HIBCH: variants seen among roughly 807,000 people sequenced by gnomAD.
HIBCH encodes the protein 3-hydroxyisobutyryl-CoA hydrolase.
Under a neutral mutation model 58.2 loss-of-function variants are expected in HIBCH, and 50 were observed. The observed-to-expected ratio is 0.86, with a 90% confidence interval of 0.68 to 1.09. The LOEUF (loss-of-function observed/expected upper bound fraction) is 1.09, where lower values mean the gene tolerates loss of function less well. HIBCH is among the 50% of genes least tolerant of loss of function. The pLI is 0.00. For missense variants in HIBCH, 450 were observed against 449.7 expected (o/e 1.00, Z -0.01); for synonymous variants, 151 against 146.9 (o/e 1.03, Z -0.20).
At chr2:190,302,275 T>C (rs1688282746) in intron 2 of HIBCH, among the ~76,000 whole-genome samples, 1 of 152,146 alleles carries the variant, frequency 6.6e-6, no homozygotes, top group Non-Finnish European at 1.5e-5. Flanking sequence ...CATAAACATA[T>C]TCAACAGCTT....
At position 190,217,190 on chromosome 2, in the gene HIBCH, T is replaced by C. The variant is rs1364638648; in HGVS notation, c.892-4115A>G. ...CTCCCCAAGTTCCTCCAGGGGTCAG[T>C]GGACCCTGGGGAAGTGCCTCACCTA... On this transcript the variant is annotated intron_variant, in intron 11 of 13. Coordinates refer to ENST00000359678, the MANE Select transcript of HIBCH (RefSeq NM_014362.4). This position sits in a 1 kb window ranked among gnomAD's most constrained non-coding sequence, Gnocchi z 4.6. Among the ~76,000 whole-genome samples, 2 of 152,148 alleles carry C rather than the reference T, an allele frequency of 1.3e-5. No individual in the cohort carries two copies. The highest frequency in any genetic ancestry group is 2.9e-5 in the Non-Finnish European group (2 of 68,004).
At chr2:190,223,067 A>T (rs533423828) in intron 11 of HIBCH, among the ~76,000 whole-genome samples, 2 of 152,338 alleles carry the variant, frequency 1.3e-5, no homozygotes, top group African/African-American at 2.4e-5. Context: ...TGGGAGTTGA[A>T]CAATAAGAAC....
At chr2:190,260,444 A>G (rs1042855441) in intron 7 of HIBCH, 1 of 152,234 alleles carries the variant, frequency 6.6e-6, no homozygotes, top group African/African-American at 2.4e-5. Flanking sequence ...AAAAGACTCG[A>G]TAGTGTTAAG....
At chr2:190,262,976 G>C (rs1177934797) in intron 6 of HIBCH, among the ~76,000 whole-genome samples, 2 of 152,154 alleles carry the variant, frequency 1.3e-5, no homozygotes, top group Non-Finnish European at 2.9e-5. Flanking sequence ...GAAGATACTA[G>C]GAATACGCTG....
chr2:190,293,576 A>G (rs1199013058), intron 4 of HIBCH, among the ~76,000 whole-genome samples: 3 of 152,234 alleles, frequency 2.0e-5, no homozygotes, highest in Admixed American at 2.0e-4. Flanking sequence ...ATTAAACTGC[A>G]ATTTTAAAAT....
At chr2:190,203,058 A>C (rs935555757), downstream of HIBCH, 1 of 167,076 alleles carries the variant, frequency 6.0e-6, no homozygotes, top group African/African-American at 2.4e-5. Context: ...CTGCCTTATT[A>C]GTATTAAAAA....
At position 190,209,802 on chromosome 2, in the gene HIBCH, C is replaced by T. The variant is rs1489777418; in HGVS notation, c.1012-889G>A. On this transcript the variant is annotated intron_variant, in intron 12 of 13. Coordinates refer to ENST00000359678, the MANE Select transcript of HIBCH (RefSeq NM_014362.4). This position sits in a 1 kb window ranked among gnomAD's most constrained non-coding sequence, Gnocchi z 5.6. The stretch of plus-strand genomic sequence containing the variant: ...AGAATCATCGATGTAGGCAATATAG[C>T]TGAGTTCAAATGTCTAGGTTCACAT... 6.6e-6 allele frequency among the ~76,000 whole-genome samples: 1 copy of T among 152,198 alleles called. No homozygotes were observed. The highest frequency in any genetic ancestry group is 1.5e-5 in the Non-Finnish European group (1 of 68,042).
chr2:190,282,716 A>G (rs1687734171), intron 6 of HIBCH, among the ~76,000 whole-genome samples: 2 of 152,280 alleles, frequency 1.3e-5, no homozygotes, highest in African/African-American at 4.8e-5. Context: ...CTACTAAAAA[A>G]AAAGAGACTG....
At chr2:190,224,610 T>C (rs1685834955) in intron 11 of HIBCH, among the ~76,000 whole-genome samples, 1 of 152,132 alleles carries the variant, frequency 6.6e-6, no homozygotes, top group African/African-American at 2.4e-5. Context: ...ATGCACCCAA[T>C]ACAGGAGCAC....
chr2:190,212,853 G>C, intron 12 of HIBCH, 103 bp downstream of exon 12: 1 of 996,362 alleles, frequency 1.0e-6, no homozygotes, highest in Non-Finnish European at 1.5e-6. Context: ...ATTTACAGGT[G>C]GTTTTAATTT....
intron 11 of HIBCH, chr2:190,213,493 A>C (rs1473902485): frequency 5.0e-6 from 1 of 198,878 alleles, no homozygotes; most frequent in Non-Finnish European, 1.0e-5. Flanking sequence ...ACTACAGAAG[A>C]AACAGGATAC....
intron 8 of HIBCH, among the ~76,000 whole-genome samples, chr2:190,250,846 T>C (rs959774440): frequency 3.9e-5 from 6 of 152,298 alleles, no homozygotes; most frequent in Admixed American, 1.3e-4. Flanking sequence ...CCACAGCCAA[T>C]TTATAAAGTT....
At chr2:190,247,256 G>C (rs1243439784) in intron 9 of HIBCH, among the ~76,000 whole-genome samples, 1 of 152,064 alleles carries the variant, frequency 6.6e-6, no homozygotes, top group East Asian at 1.9e-4. Flanking sequence ...AATCACTTGA[G>C]AAAAATGCTG....
At chr2:190,271,833 T>A (rs1028071229) in intron 6 of HIBCH, among the ~76,000 whole-genome samples, 4 of 152,178 alleles carry the variant, frequency 2.6e-5, no homozygotes, top group African/African-American at 9.7e-5. Flanking sequence ...CTTGCTTACC[T>A]CTATGGCCTC....
chr2:190,284,741 T>A (rs1687788939), intron 6 of HIBCH, among the ~76,000 whole-genome samples: 1 of 152,188 alleles, frequency 6.6e-6, no homozygotes, highest in Non-Finnish European at 1.5e-5. Context: ...GCCTGACTAC[T>A]CACAGTTAGC....
rs545935523 is a variant in HIBCH, at chr2:190,208,513, C to T, written c.1045+367G>A. Among the ~76,000 whole-genome samples the T allele has an allele frequency of 4.6e-5, 7 of 152,314 alleles. No homozygotes were observed. The East Asian group carries it at 1.3e-3, about 29-fold the overall frequency. On this transcript the variant is annotated intron_variant, in intron 13 of 13. Transcript: ENST00000359678. ...TTAAAACAATTATCAGTTTCAAAGA[C>T]TGATCTTCCTTTTCATATCCCAGAT...
At chr2:190,297,970 T>G (rs999413336) in intron 2 of HIBCH, among the ~76,000 whole-genome samples, 1 of 151,018 alleles carries the variant, frequency 6.6e-6, no homozygotes, top group African/African-American at 2.4e-5. Context: ...GTGTTCTCAT[T>G]GTTCAACTCC....
chr2:190,192,207 G>T (rs1186116872), intron 1 of HIBCH, among the ~76,000 whole-genome samples: 1 of 151,998 alleles, frequency 6.6e-6, no homozygotes, highest in Admixed American at 6.6e-5. Context: ...TTGTTGAAAA[G>T]ATTATCCTTT....
rs112273533 is a variant in HIBCH at position 190,211,170 on chromosome 2, T to C, written c.1011+1786A>G. ...GGTACCTCTAACAGTGTCTACGACA[T>C]AGTAAGCACTCTTGTTTAGTAAATA... On this transcript the variant is annotated intron_variant, in intron 12 of 13. Transcript: ENST00000359678. The surrounding 1 kb of genome is among the most constrained non-coding windows in gnomAD (Gnocchi z 5.0). Among the ~76,000 whole-genome samples, 5 of 152,174 alleles carry C rather than the reference T, an allele frequency of 3.3e-5. No individual in the cohort carries two copies. The highest frequency in any genetic ancestry group is 9.7e-5 in the African/African-American group (4 of 41,438).
Sources: allele counts gnomAD v4.1 joint callset (sites outside exome capture counted in the v4.1 genomes callset), GRCh38; gene constraint gnomAD v4.1.1; non-coding constraint Gnocchi (gnomAD v3.1); transcripts MANE v1.5; gene names NCBI Gene and HGNC (gene_info 2026-07-23, HGNC 2026-07-21).